Variants in ENPP1 observed in about 807,000 individuals in gnomAD.
The protein encoded by ENPP1 is ectonucleotide pyrophosphatase/phosphodiesterase 1.
A neutral mutation model predicts 122.8 loss-of-function variants in ENPP1; 73 were observed. The observed-to-expected ratio is 0.59, with a 90% CI of 0.49 to 0.72. The LOEUF (loss-of-function observed/expected upper bound fraction) is 0.72. Ranked by LOEUF, ENPP1 falls within the 30% of genes least tolerant of loss-of-function variation. The probability of loss-of-function intolerance (pLI) is 0.00; values close to 1 mark genes in which losing one functional copy is unlikely to be tolerated. For synonymous variants in ENPP1, 367 were observed against 391.6 expected (o/e 0.94, Z 0.74); for missense variants, 978 against 1,128.1 (o/e 0.87, Z 1.91).
At chr6:131,874,574 C>T (rs1782203985) in intron 16 of ENPP1, among the ~76,000 whole-genome samples, 1 of 152,092 alleles carries the variant, frequency 6.6e-6, no homozygotes, top group African/African-American at 2.4e-5. Context: ...AAAGGGAACA[C>T]TTATACACTG....
intron 1 of ENPP1, among the ~76,000 whole-genome samples, chr6:131,831,142 A>AAAAAAG (rs1562513494): frequency 1.3e-5 from 2 of 150,026 alleles, no homozygotes; most frequent in Non-Finnish European, 3.0e-5. Flanking sequence ...AAAAAAGAAA[A>AAAAAAG]GAAAATAGAT....
chr6:131,891,799 G>T lies in ENPP1; in HGVS notation c.*1288G>T. 8.5e-6 allele frequency: 1 copy of T among 117,278 alleles called. No individual in the cohort carries two copies. Among genetic ancestry groups the T allele is most frequent in the Admixed American group, 9.0e-5 (1 of 11,160 alleles). The allele number at this position is 117,278 out of a possible 1,614,324, so 7.3% of individuals were successfully genotyped here. A position where few individuals can be genotyped will look rare whatever the true frequency, so the allele number is the denominator to read the frequency against. On this transcript the variant is annotated 3_prime_UTR_variant, in exon 25 of 25. Coordinates refer to ENST00000647893, the MANE Select transcript of ENPP1 (RefSeq NM_006208.3). ...TGCAGTTTCCTGAAGCTCTGTATAT[G>T]ATATTTTTTTCAGCCTGCTTCTCTC...
chr6:131,843,031 G>A (rs928206887), intron 1 of ENPP1, among the ~76,000 whole-genome samples: 1 of 152,068 alleles, frequency 6.6e-6, no homozygotes, highest in African/African-American at 2.4e-5. Context: ...TCTAAGATAA[G>A]ATGTATTTCT....
At chr6:131,877,711 C>T (rs1490810828) in intron 18 of ENPP1, 2 of 150,806 alleles carry the variant, frequency 1.3e-5, no homozygotes, top group Non-Finnish European at 2.9e-5. Flanking sequence ...TCCATGAGGG[C>T]ACCTGTAATC....
At chr6:131,839,516 C>T (rs1781715326) in intron 1 of ENPP1, among the ~76,000 whole-genome samples, 1 of 152,082 alleles carries the variant, frequency 6.6e-6, no homozygotes, top group South Asian at 2.1e-4. Context: ...CCCTAAAATG[C>T]CAGAATGAGG....
In ENPP1 at chr6:131,891,727, A is replaced by T. The variant is rs1412460534; in HGVS notation, c.*1216A>T. ...AAAATACAATTTACAACTCAAAATT[A>T]TTTAATAATTTAGGAAGTTGCTTTT... is the stretch of plus-strand genomic sequence containing the variant. On this transcript the variant is annotated 3_prime_UTR_variant, in exon 25 of 25. Coordinates refer to ENST00000647893, the MANE Select transcript of ENPP1 (RefSeq NM_006208.3). The T allele has an allele frequency of 1.4e-5, 2 of 145,714 alleles. No homozygotes were observed. The highest frequency in any genetic ancestry group is 3.0e-5 in the Non-Finnish European group (2 of 66,712). 9.0% of individuals were successfully genotyped at this position (145,714 alleles called of 1,614,324 possible).
chr6:131,874,377 G>GA, intron 16 of ENPP1, 40 bp downstream of exon 16: 1 of 1,172,982 alleles, frequency 8.5e-7, no homozygotes. Flanking sequence ...TAAATCTAAA[G>GA]AAAAAATGAT....
chr6:131,863,141 A>G (rs532506118), intron 9 of ENPP1, among the ~76,000 whole-genome samples: 32 of 152,328 alleles, frequency 2.1e-4, no homozygotes, highest in South Asian at 1.7e-3. Context: ...GAAGGAAAAG[A>G]TGAGTGTATT....
chr6:131,872,838 C>G, intron 14 of ENPP1, 85 bp from the exon 15 acceptor site: 1 of 1,331,586 alleles, frequency 7.5e-7, no homozygotes, highest in Non-Finnish European at 1.1e-6. Context: ...ATATCTTTCC[C>G]TAATAAATAT....
At chr6:131,866,201 G>A (rs748969051) in intron 11 of ENPP1, among the ~76,000 whole-genome samples, 1 of 151,918 alleles carries the variant, frequency 6.6e-6, no homozygotes, top group African/African-American at 2.4e-5. Flanking sequence ...TAGTGATCTT[G>A]TGCCCCCTGT....
chr6:131,861,691 A>C lies in ENPP1; in HGVS notation c.1012A>C (p.Lys338Gln), dbSNP rs1284478647. The C allele has an allele frequency of 6.3e-7, 1 of 1,583,622 alleles. No individual in the cohort carries two copies. Among genetic ancestry groups the C allele is most frequent in the Non-Finnish European group, 8.7e-7 (1 of 1,152,166 alleles). The stretch of plus-strand genomic sequence containing the variant: ...TAACGGAATTTTCCCAGACATCTAT[A>C]AAATGTATAATGGGTATGTGAAATG... ...EINGIFPDIYKMYNGSVPFEE... is the reference protein window; with the variant it reads ...EINGIFPDIYQMYNGSVPFEE... Residue 338 changes from lysine to glutamine, a missense_variant, in exon 9 of 25, where the codon AAA becomes CAA. Physicochemically the swap from Lys to Gln is moderately conservative, Grantham distance 53. Transcript: ENST00000647893.
chr6:131,857,297 T>G lies in ENPP1; in HGVS notation c.716-1371T>G, dbSNP rs1585820241. On this transcript the variant is annotated intron_variant, in intron 6 of 24. Transcript: ENST00000647893. Reference sequence around the variant, plus strand: ...CCATTTGACCCAGCCATCCCATTACTGGGTATATACCCAAAGGACTATAAA... The same window carrying G: ...CCATTTGACCCAGCCATCCCATTACGGGGTATATACCCAAAGGACTATAAA... Among the ~76,000 whole-genome samples the G allele has an allele frequency of 4.0e-5, 6 of 148,914 alleles. No homozygotes were observed. In the South Asian group the frequency reaches 1.3e-3, roughly 32 times the overall value.
rs1781701416 is a variant in ENPP1 at position 131,838,342 on chromosome 6, A to G, written c.241-9434A>G. On this transcript the variant is annotated intron_variant, in intron 1 of 24. Coordinates refer to ENST00000647893, the MANE Select transcript of ENPP1 (RefSeq NM_006208.3). ...AAATATCTTTCAAAAACAAGAATAA[A>G]CCAAAGACATGTGCAGACTAACGAA... 2.0e-5 allele frequency among the ~76,000 whole-genome samples: 3 copies of G among 152,172 alleles called. No individual in the cohort carries two copies. The South Asian group carries it at 6.2e-4, about 31-fold the overall frequency.
In ENPP1 at chr6:131,882,272, CT is replaced by C. The variant is rs923256298; in HGVS notation, c.2101-70del. ...TTCATAATTTTATGATGTAGTTCAC[CT>C]TTAAATATTAATAAAGCAATTTTCT... On this transcript the variant is annotated intron_variant, in intron 20 of 24. Transcript: ENST00000647893. The C allele has an allele frequency of 8.5e-4, 1,119 of 1,321,746 alleles. 12 individuals are homozygous for C. The highest frequency in any genetic ancestry group is 1.1e-3 in the Middle Eastern group (6 of 5,244). 81.9% of individuals were successfully genotyped at this position (1,321,746 alleles called of 1,614,324 possible). A position where few individuals can be genotyped will look rare whatever the true frequency, so the allele number is the denominator to read the frequency against.
chr6:131,843,917 C>T (rs997316891), intron 1 of ENPP1, among the ~76,000 whole-genome samples: 2 of 152,030 alleles, frequency 1.3e-5, no homozygotes, highest in African/African-American at 4.8e-5. Context: ...AGAGGTTCCT[C>T]ATCAGCTGTT....
intron 1 of ENPP1, among the ~76,000 whole-genome samples, chr6:131,834,781 G>T (rs536848099): frequency 6.6e-6 from 1 of 151,674 alleles, no homozygotes; most frequent in Non-Finnish European, 1.5e-5. Flanking sequence ...GGCTGGTCTC[G>T]AACTCCTGAC....
At position 131,808,163 on chromosome 6, in the gene ENPP1, C is replaced by G. The variant is rs1468595783; in HGVS notation, c.128C>G (p.Pro43Arg). 1.4e-6 allele frequency: 2 copies of G among 1,454,872 alleles called. No homozygotes were observed. Among genetic ancestry groups the G allele is most frequent in the Non-Finnish European group, 1.8e-6 (2 of 1,098,396 alleles). 90.1% of individuals were successfully genotyped at this position (1,454,872 alleles called of 1,614,324 possible). ...RSHAAEAPGD[P>R]QAAASLLAPM... ...CACGCTGCCGAGGCGCCCGGGGACCCGCAGGCGGCCGCGTCCTTGCTGGCC... is the reference window on the plus strand; with the variant it reads ...CACGCTGCCGAGGCGCCCGGGGACCGGCAGGCGGCCGCGTCCTTGCTGGCC... The change falls in exon 1 of 25, where the codon CCG (proline) becomes CGG (arginine). Residue 43 changes from proline (P) to arginine (R), a missense_variant. Around this residue, in one of 3 missense-constraint regions of ENPP1, gnomAD observed 330 missense variants for 328.5 expected, o/e 1.00. Transcript: ENST00000647893.
At chr6:131,883,485 C>T (rs9493117) in intron 21 of ENPP1, among the ~76,000 whole-genome samples, 2 of 152,164 alleles carry the variant, frequency 1.3e-5, no homozygotes, top group Non-Finnish European at 2.9e-5. Flanking sequence ...TTGACATGCT[C>T]ATCTTGAAAA....
At chr6:131,853,632 TA>T (rs2114694887) in intron 5 of ENPP1, among the ~76,000 whole-genome samples, 1 of 152,310 alleles carries the variant, frequency 6.6e-6, no homozygotes, top group East Asian at 1.9e-4. Flanking sequence ...GAAAATTGTA[TA>T]AAAATGTTCT....
Sources: allele counts gnomAD v4.1 joint callset (sites outside exome capture counted in the v4.1 genomes callset), GRCh38; gene constraint gnomAD v4.1.1; regional missense constraint gnomAD v4.1.1; transcripts MANE v1.5; gene names NCBI Gene and HGNC (gene_info 2026-07-23, HGNC 2026-07-21).